Variants in DOCK10 observed in about 807,000 individuals in gnomAD.
The protein encoded by DOCK10 is dedicator of cytokinesis protein 10.
DOCK10 carries 145 observed loss-of-function variants against 280.1 expected under a neutral mutation model. The observed-to-expected ratio is 0.52, with a 90% confidence interval of 0.45 to 0.59. The LOEUF (loss-of-function observed/expected upper bound fraction) is 0.59, where lower values mean the gene tolerates loss of function less well. Ranked by LOEUF, DOCK10 falls within the 20% of genes least tolerant of loss-of-function variation. The pLI is 0.00. For missense variants in DOCK10, 2,368 were observed against 2,651.7 expected (o/e 0.89, Z 2.35); for synonymous variants, 915 against 942.2 (o/e 0.97, Z 0.53).
In DOCK10 at chr2:225,005,537, A is replaced by G. The variant is rs12616267; in HGVS notation, c.123+36715T>C. 3.5e-4 allele frequency among the ~76,000 whole-genome samples: 53 copies of G among 152,310 alleles called. 1 individual carries two copies. The East Asian group carries it at 9.1e-3, about 26-fold the overall frequency. On this transcript the variant is annotated intron_variant, in intron 1 of 55. Coordinates refer to ENST00000258390, the MANE Select transcript of DOCK10 (RefSeq NM_014689.3). ...TTTAATCAATGACTACCTTTTTTCCATAAAATTTCATTTTAAACTAAAACT... is the reference window on the plus strand; with the variant it reads ...TTTAATCAATGACTACCTTTTTTCCGTAAAATTTCATTTTAAACTAAAACT...
intron 51 of DOCK10, among the ~76,000 whole-genome samples, chr2:224,777,533 T>G (rs1313638774): frequency 1.3e-5 from 2 of 152,188 alleles, no homozygotes; most frequent in Non-Finnish European, 2.9e-5. Flanking sequence ...TCTTCAGCTT[T>G]TGGACTCTTG....
intron 2 of DOCK10, among the ~76,000 whole-genome samples, chr2:224,931,325 G>A (rs939564761): frequency 6.6e-5 from 10 of 152,156 alleles, no homozygotes; most frequent in Non-Finnish European, 1.5e-4. Context: ...AGTGTCCTGG[G>A]CCTCCTCCCA....
intron 27 of DOCK10, among the ~76,000 whole-genome samples, chr2:224,824,894 T>C (rs185745551): frequency 1.4e-3 from 215 of 152,132 alleles, no homozygotes; most frequent in African/African-American, 4.9e-3. Flanking sequence ...ATAAAAATCA[T>C]GAAGGCTGAA....
intron 29 of DOCK10, 66 bp from the exon 30 acceptor site, chr2:224,816,779 C>A: frequency 1.2e-6 from 1 of 868,450 alleles, no homozygotes; most frequent in Non-Finnish European, 1.8e-6. Flanking sequence ...AACAAACAAA[C>A]AAAATCTGCA....
intron 2 of DOCK10, 26 bp downstream of exon 2, chr2:224,931,523 A>G (rs764757621): frequency 2.0e-5 from 32 of 1,584,834 alleles, no homozygotes; most frequent in Non-Finnish European, 2.7e-5. Flanking sequence ...TCCTGAATCT[A>G]AATGGCTTGA....
chr2:224,991,390 G>A (rs1180814410), intron 1 of DOCK10, among the ~76,000 whole-genome samples: 2 of 152,174 alleles, frequency 1.3e-5, no homozygotes, highest in African/African-American at 2.4e-5. Context: ...CTACATAACT[G>A]TTGTAACAAA....
intron 28 of DOCK10, among the ~76,000 whole-genome samples, chr2:224,822,455 T>C (rs1384234463): frequency 2.0e-5 from 3 of 152,052 alleles, no homozygotes; most frequent in Non-Finnish European, 1.5e-5. Context: ...ACAGCGTGGG[T>C]CAACCTTGGT....
intron 1 of DOCK10, among the ~76,000 whole-genome samples, chr2:225,037,682 G>T (rs1278608961): frequency 2.0e-5 from 3 of 152,194 alleles, no homozygotes; most frequent in South Asian, 4.1e-4. Context: ...GCTTGACACT[G>T]TGCCAGGCAC....
chr2:224,820,363 G>C (rs1438870515), intron 28 of DOCK10, among the ~76,000 whole-genome samples: 2 of 152,250 alleles, frequency 1.3e-5, no homozygotes, highest in Non-Finnish European at 2.9e-5. Context: ...CACAGGCAAA[G>C]TGTGGAGCAG....
chr2:224,798,916 G>A (rs1395316294), intron 41 of DOCK10, among the ~76,000 whole-genome samples: 2 of 152,148 alleles, frequency 1.3e-5, no homozygotes, highest in African/African-American at 2.4e-5. Context: ...TTACAGGCAT[G>A]AGCCACCACA....
intron 50 of DOCK10, 115 bp from the exon 51 acceptor site, chr2:224,778,399 C>T: frequency 1.1e-6 from 1 of 946,860 alleles, no homozygotes; most frequent in South Asian, 1.4e-5. Context: ...TCATCTAATC[C>T]ATTGGTTAAC....
In DOCK10 at chr2:225,042,328, G is replaced by A. The variant is rs1690461458; in HGVS notation, c.47C>T (p.Pro16Leu). 5.2e-6 allele frequency: 7 copies of A among 1,349,232 alleles called. No individual in the cohort carries two copies. The highest frequency in any genetic ancestry group is 6.7e-6 in the Non-Finnish European group (7 of 1,047,464). The allele number at this position is 1,349,232 out of a possible 1,614,324, so 83.6% of individuals were successfully genotyped here. The change falls in exon 1 of 56, where the codon CCT (proline) becomes CTT (leucine). Residue 16 changes from proline to leucine, a missense_variant. Coordinates refer to ENST00000258390, the MANE Select transcript of DOCK10 (RefSeq NM_014689.3). The surrounding 1 kb of genome is among the most constrained non-coding windows in gnomAD (Gnocchi z 5.1). The part of the protein sequence containing the change: ...TRRFTRSLLR[P>L]GQAAELRHSA... ...GTGCCGGAGCTCGGCCGCCTGCCCA[G>A]GTCTCAACAGGCTCCGGGTGAACCT... is the stretch of plus-strand genomic sequence containing the variant.
chr2:224,802,275 C>T (rs374060252), intron 39 of DOCK10, among the ~76,000 whole-genome samples: 2 of 152,004 alleles, frequency 1.3e-5, no homozygotes, highest in African/African-American at 2.4e-5. Context: ...TGTAGAATAA[C>T]AGGTCATTGA....
rs58223345 is a variant in DOCK10 at position 224,917,101 on chromosome 2, C to CTTTTTT, written c.244-323_244-318dup. On this transcript the variant is annotated intron_variant, in intron 2 of 55. Coordinates refer to ENST00000258390, the MANE Select transcript of DOCK10 (RefSeq NM_014689.3). ...CAATTTAGCTGATTTCTATTGGAATCTTTTTTTTTTTTTTTTTTTTTTGAG... is the reference window on the plus strand; with the variant it reads ...CAATTTAGCTGATTTCTATTGGAATCTTTTTTTTTTTTTTTTTTTTTTTTTTTTGAG... 2.3e-3 allele frequency among the ~76,000 whole-genome samples: 224 copies of CTTTTTT among 95,750 alleles called. 24 individuals are homozygous for CTTTTTT. Among genetic ancestry groups the CTTTTTT allele is most frequent in the African/African-American group, 9.1e-3 (200 of 22,058 alleles). The allele number at this position is 95,750 out of a possible 152,430, so 62.8% of individuals were successfully genotyped here.
In DOCK10 at chr2:225,031,391, C is replaced by T. The variant is rs112523552; in HGVS notation, c.123+10861G>A. 2.9e-3 allele frequency among the ~76,000 whole-genome samples: 438 copies of T among 152,250 alleles called. 1 individual carries two copies. The highest frequency in any genetic ancestry group is 9.5e-3 in the African/African-American group (393 of 41,532). ...CGCCTTGTGCATTTAAGGTTGATGA[C>T]GAACTGTGGAATAAAATGGCCTATA... On this transcript the variant is annotated intron_variant, in intron 1 of 55. Transcript: ENST00000258390.
chr2:224,960,226 C>T (rs116136060), intron 1 of DOCK10, among the ~76,000 whole-genome samples: 9 of 152,266 alleles, frequency 5.9e-5, no homozygotes, highest in South Asian at 2.1e-4. Flanking sequence ...CTGCTCCCGC[C>T]GTGCTTACTG....
At chr2:224,783,243 A>C (rs142375372) in intron 50 of DOCK10, among the ~76,000 whole-genome samples, 95 of 151,828 alleles carry the variant, frequency 6.3e-4, no homozygotes, top group African/African-American at 2.2e-3. Flanking sequence ...GAATTTAACA[A>C]AACACTTTGC....
chr2:224,823,339 AAG>A (rs1476355583), intron 28 of DOCK10, among the ~76,000 whole-genome samples, 160 bp downstream of exon 28: 1 of 152,186 alleles, frequency 6.6e-6, no homozygotes, highest in African/African-American at 2.4e-5. Flanking sequence ...AAAAATTAAA[AAG>A]TATTTCAAGC....
At chr2:225,038,970 C>CT (rs1229878704) in intron 1 of DOCK10, among the ~76,000 whole-genome samples, 2 of 152,132 alleles carry the variant, frequency 1.3e-5, no homozygotes, top group Admixed American at 6.5e-5. Flanking sequence ...TTTACCTATA[C>CT]TTTTTTTAAA....
Sources: allele counts gnomAD v4.1 joint callset (sites outside exome capture counted in the v4.1 genomes callset), GRCh38; gene constraint gnomAD v4.1.1; non-coding constraint Gnocchi (gnomAD v3.1); transcripts MANE v1.5; gene names NCBI Gene and HGNC (gene_info 2026-07-23, HGNC 2026-07-21).